The following EPHA5 variants were observed in gnomAD, a reference collection of about 807,000 sequenced individuals.
EPHA5 encodes the protein EPH receptor A5, also known as ephrin type-A receptor 5.
Under a neutral mutation model 105.0 loss-of-function variants are expected in EPHA5, and 60 were observed. The ratio of observed to expected loss-of-function variants is 0.57; its 90% confidence interval spans 0.46 to 0.71. The LOEUF (loss-of-function observed/expected upper bound fraction) is 0.71. Among genes scored for constraint, EPHA5 ranks in the 30% least tolerant of loss-of-function variants. The probability of loss-of-function intolerance (pLI) is 0.00; values close to 1 mark genes in which losing one functional copy is unlikely to be tolerated. For synonymous variants in EPHA5, 513 were observed against 449.1 expected (o/e 1.14, Z -1.80); for missense variants, 1,218 against 1,274.7 (o/e 0.96, Z 0.68).
chr4:65,335,876 T>G, intron 15 of EPHA5, 56 bp downstream of exon 15: 1 of 1,474,696 alleles, frequency 6.8e-7, no homozygotes, highest in Non-Finnish European at 9.2e-7. Context: ...AAAATATTTG[T>G]GACATCAATC....
intron 5 of EPHA5, among the ~76,000 whole-genome samples, chr4:65,438,295 C>A (rs1049439852): frequency 6.6e-6 from 1 of 151,820 alleles, no homozygotes; most frequent in Non-Finnish European, 1.5e-5. Flanking sequence ...TTTGATTTTT[C>A]ATCTTATTTC....
intron 5 of EPHA5, among the ~76,000 whole-genome samples, chr4:65,481,226 A>G (rs543857713): frequency 6.6e-6 from 1 of 152,336 alleles, no homozygotes; most frequent in East Asian, 1.9e-4. Context: ...CATTGAAATG[A>G]TCAGAGCATC....
intron 7 of EPHA5, among the ~76,000 whole-genome samples, chr4:65,405,165 A>C (rs1297957922): frequency 6.6e-6 from 1 of 152,200 alleles, no homozygotes; most frequent in East Asian, 1.9e-4. Flanking sequence ...GAAACATTTT[A>C]GATTTTAGCA....
At chr4:65,438,238 A>G (rs939342800) in intron 5 of EPHA5, among the ~76,000 whole-genome samples, 3 of 151,956 alleles carry the variant, frequency 2.0e-5, no homozygotes, top group Non-Finnish European at 4.4e-5. Flanking sequence ...AATCATAACA[A>G]TAACAAAATG....
intron 15 of EPHA5, 147 bp downstream of exon 15, chr4:65,335,785 A>G (rs1389060445): frequency 8.9e-6 from 6 of 675,700 alleles, no homozygotes; most frequent in Non-Finnish European, 1.2e-5. Context: ...GTAAGAGAGT[A>G]GCATGCAAAA....
chr4:65,440,625 AT>A (rs1029309950), intron 5 of EPHA5, among the ~76,000 whole-genome samples: 20 of 151,842 alleles, frequency 1.3e-4, no homozygotes, highest in African/African-American at 4.4e-4. Flanking sequence ...AAATAAGCTA[AT>A]TTTTTTGTAG....
intron 7 of EPHA5, among the ~76,000 whole-genome samples, chr4:65,411,331 C>T (rs552979003): frequency 1.3e-5 from 2 of 151,910 alleles, no homozygotes; most frequent in South Asian, 4.2e-4. Context: ...AATAAAAGCA[C>T]TCATAACATT....
intron 1 of EPHA5, 126 bp downstream of exon 1, chr4:65,669,436 C>T: frequency 8.0e-7 from 1 of 1,246,618 alleles, no homozygotes; most frequent in Non-Finnish European, 1.0e-6. Context: ...ACGACAAATA[C>T]CAATTTGAGA....
At chr4:65,465,880 G>T (rs902122881) in intron 5 of EPHA5, among the ~76,000 whole-genome samples, 3 of 151,988 alleles carry the variant, frequency 2.0e-5, no homozygotes, top group South Asian at 2.1e-4. Context: ...TCATTTTTTT[G>T]AAAATATCAA....
rs1719658954 is a variant in EPHA5, at chr4:65,321,781, T to C, written c.*2333A>G. 2 of 227,756 alleles carry C rather than the reference T, an allele frequency of 8.8e-6. No homozygotes were observed. Among genetic ancestry groups the C allele is most frequent in the African/African-American group, 4.4e-5 (2 of 45,052 alleles). 14.1% of individuals were successfully genotyped at this position (227,756 alleles called of 1,614,324 possible). A position where few individuals can be genotyped will look rare whatever the true frequency, so the allele number is the denominator to read the frequency against. ...CGGACCTCCTAATTATCTTTCAGCA[T>C]ATAAAGTTGGAAAACAATGTAGAAA... On this transcript the variant is annotated 3_prime_UTR_variant, in exon 17 of 17. Transcript: ENST00000613740.
intron 3 of EPHA5, among the ~76,000 whole-genome samples, chr4:65,544,733 C>A (rs1737207164): frequency 6.6e-6 from 1 of 151,868 alleles, no homozygotes; most frequent in Non-Finnish European, 1.5e-5. Context: ...TGGGTATATA[C>A]CCAAAGGAAT....
At chr4:65,528,420 A>G (rs1348058971) in intron 3 of EPHA5, among the ~76,000 whole-genome samples, 5 of 152,124 alleles carry the variant, frequency 3.3e-5, no homozygotes, top group Non-Finnish European at 7.4e-5. Context: ...CAAGAAATAT[A>G]TTTAATTCGC....
intron 8 of EPHA5, 30 bp downstream of exon 8, chr4:65,404,344 G>A (rs2148990305): frequency 6.3e-7 from 1 of 1,584,170 alleles, no homozygotes; most frequent in Non-Finnish European, 8.7e-7. Context: ...ATCAGCTGCA[G>A]AACTTCAGAA....
chr4:65,513,161 G>A (rs1304691610), intron 3 of EPHA5, among the ~76,000 whole-genome samples: 2 of 152,100 alleles, frequency 1.3e-5, no homozygotes, highest in African/African-American at 4.8e-5. Context: ...CACATTTTAG[G>A]ACCTTAAAGT....
chr4:65,618,542 T>C (rs1292672161), intron 2 of EPHA5, among the ~76,000 whole-genome samples: 1 of 152,216 alleles, frequency 6.6e-6, no homozygotes, highest in Non-Finnish European at 1.5e-5. Flanking sequence ...CTCTACAGGA[T>C]GATCAAGGTA....
chr4:65,376,038 A>G (rs1229752206), intron 8 of EPHA5, among the ~76,000 whole-genome samples: 1 of 152,074 alleles, frequency 6.6e-6, no homozygotes, highest in South Asian at 2.1e-4. Context: ...TCTTCTTCTC[A>G]GATCATTGGC....
intron 1 of EPHA5, among the ~76,000 whole-genome samples, chr4:65,649,720 A>C (rs1183960405): frequency 2.0e-5 from 3 of 152,164 alleles, no homozygotes; most frequent in Non-Finnish European, 4.4e-5. Context: ...TTATTCTATT[A>C]AAACTTCTGT....
intron 6 of EPHA5, among the ~76,000 whole-genome samples, chr4:65,418,119 CA>C (rs1421619216): frequency 4.6e-5 from 7 of 152,068 alleles, no homozygotes; most frequent in Admixed American, 4.6e-4. Flanking sequence ...GGATGTTTTA[CA>C]ATTCTATTTT....
At chr4:65,512,462 C>T (rs1170101215) in intron 3 of EPHA5, among the ~76,000 whole-genome samples, 1 of 152,018 alleles carries the variant, frequency 6.6e-6, no homozygotes. Flanking sequence ...GGGGTTGCAT[C>T]CTTCATGAAT....
Sources: gnomAD v4.1 joint callset for allele counts (sites outside exome capture counted in the v4.1 genomes callset) on GRCh38, gnomAD v4.1.1 for gene constraint, MANE v1.5 for transcripts, NCBI Gene and HGNC (gene_info 2026-07-23, HGNC 2026-07-21) for gene names.